AGPAT4: variants seen among roughly 807,000 people sequenced by gnomAD.
The protein encoded by AGPAT4 is 1-acylglycerol-3-phosphate O-acyltransferase 4.
AGPAT4 carries 15 observed loss-of-function variants against 48.0 expected under a neutral mutation model. The ratio of observed to expected loss-of-function variants is 0.31; its 90% CI spans 0.21 to 0.48. The LOEUF is 0.48. Ranked by LOEUF, AGPAT4 falls within the 20% of genes least tolerant of loss-of-function variation. The probability of loss-of-function intolerance (pLI) is 0.99; values close to 1 mark genes in which losing one functional copy is unlikely to be tolerated. For missense variants in AGPAT4, 314 were observed against 482.5 expected (o/e 0.65, Z 3.27); for synonymous variants, 178 against 198.7 (o/e 0.90, Z 0.88).
Position 161,220,930 on chromosome 6 carries a change from C to T in AGPAT4, c.178+11106G>A, listed in dbSNP as rs939605120. On this transcript the variant is annotated intron_variant, in intron 2 of 8. Transcript: ENST00000320285. The surrounding 1 kb of genome is among the most constrained non-coding windows in gnomAD (Gnocchi z 6.0). ...TCCCGAGTAGCTGGGATTACAGGCG[C>T]GTGCCACCACACCTGGCTAATTTTT... is the stretch of plus-strand genomic sequence containing the variant. Among the ~76,000 whole-genome samples the T allele has an allele frequency of 2.0e-5, 3 of 152,030 alleles. No homozygotes were observed. Among genetic ancestry groups the T allele is most frequent in the Admixed American group, 6.6e-5 (1 of 15,266 alleles).
Position 161,218,088 on chromosome 6 carries a change from T to C in AGPAT4, c.178+13948A>G, listed in dbSNP as rs959201878. On this transcript the variant is annotated intron_variant, in intron 2 of 8. Transcript: ENST00000320285. The surrounding 1 kb of genome is among the most constrained non-coding windows in gnomAD (Gnocchi z 4.7). Reference sequence around the variant, plus strand: ...GTCTGTGTCTGATGAGTTGGTGCCTTGTTCTTCTGGCAAGAGAACCACATG... The same window carrying C: ...GTCTGTGTCTGATGAGTTGGTGCCTCGTTCTTCTGGCAAGAGAACCACATG... 6.6e-6 allele frequency among the ~76,000 whole-genome samples: 1 copy of C among 152,248 alleles called. No individual in the cohort carries two copies. The highest frequency in any genetic ancestry group is 1.5e-5 in the Non-Finnish European group (1 of 68,046).
chr6:161,223,671 C>G lies in AGPAT4; in HGVS notation c.178+8365G>C, dbSNP rs954108528. Among the ~76,000 whole-genome samples, 3 of 152,192 alleles carry G rather than the reference C, an allele frequency of 2.0e-5. No homozygotes were observed. Among genetic ancestry groups the G allele is most frequent in the Admixed American group, 1.3e-4 (2 of 15,276 alleles). On this transcript the variant is annotated intron_variant, in intron 2 of 8. Transcript: ENST00000320285. The surrounding 1 kb of genome is among the most constrained non-coding windows in gnomAD (Gnocchi z 6.3). The stretch of plus-strand genomic sequence containing the variant: ...TCCATAGCCCCGTGGAGTGGCACCT[C>G]AGAGGCCACAGGTTTGAGAACACAT...
chr6:161,271,129 A>ACTTATG (rs1212693389), intron 1 of AGPAT4, among the ~76,000 whole-genome samples: 3 of 152,056 alleles, frequency 2.0e-5, no homozygotes, highest in African/African-American at 7.2e-5. Context: ...ATTTACATCT[A>ACTTATG]CTTATGCTTT....
chr6:161,160,369 CAA>C (rs1285654512), intron 3 of AGPAT4: 3 of 153,300 alleles, frequency 2.0e-5, no homozygotes, highest in African/African-American at 7.2e-5. Flanking sequence ...AGAAAAATCT[CAA>C]GAGAGTCTCA....
rs141326982 is a variant in AGPAT4 at position 161,180,467 on chromosome 6, G to A, written c.179-14050C>T. ...GCTGCAGATATGGGCACCATGTTAC[G>A]TGGGGAAATGGCCTTATGATCATTA... On this transcript the variant is annotated intron_variant, in intron 2 of 8. Transcript: ENST00000320285. The surrounding 1 kb of genome is among the most constrained non-coding windows in gnomAD (Gnocchi z 6.4). 7.3e-3 allele frequency among the ~76,000 whole-genome samples: 1,115 copies of A among 152,326 alleles called. 10 individuals carry two copies. Among genetic ancestry groups the A allele is most frequent in the Admixed American group, 0.024 (372 of 15,306 alleles).
chr6:161,211,054 T>C (rs988180912), intron 2 of AGPAT4, among the ~76,000 whole-genome samples: 14 of 152,168 alleles, frequency 9.2e-5, no homozygotes, highest in African/African-American at 2.7e-4. Flanking sequence ...AGCTTGGAGG[T>C]AAAAAGCAAG....
rs896451256 is a variant in AGPAT4 at position 161,222,015 on chromosome 6, T to C, written c.178+10021A>G. Among the ~76,000 whole-genome samples the C allele has an allele frequency of 2.6e-4, 39 of 152,210 alleles. No individual in the cohort carries two copies. Among genetic ancestry groups the C allele is most frequent in the Non-Finnish European group, 1.3e-4 (9 of 68,038 alleles). ...AGGTGTGACACCAAGCGTCCAGCTC[T>C]TTCCTCTCAGTTCCTTTCCACGAAT... On this transcript the variant is annotated intron_variant, in intron 2 of 8. Coordinates refer to ENST00000320285, the MANE Select transcript of AGPAT4 (RefSeq NM_020133.3). This position sits in a 1 kb window ranked among gnomAD's most constrained non-coding sequence, Gnocchi z 5.9.
chr6:161,217,552 T>C lies in AGPAT4; in HGVS notation c.178+14484A>G, dbSNP rs1781684082. ...AGTATGAAGGCATTGGCGTTATGCC[T>C]GCATTTTCTCTCACTAATCATGTTC... On this transcript the variant is annotated intron_variant, in intron 2 of 8. Transcript: ENST00000320285. The surrounding 1 kb of genome is among the most constrained non-coding windows in gnomAD (Gnocchi z 4.9). Among the ~76,000 whole-genome samples the C allele has an allele frequency of 6.6e-6, 1 of 152,234 alleles. No individual in the cohort carries two copies. The highest frequency in any genetic ancestry group is 2.1e-4 in the South Asian group (1 of 4,838).
In AGPAT4 at chr6:161,139,201, G is replaced by A. The variant is rs1562308496; in HGVS notation, c.1042+221C>T. Among the ~76,000 whole-genome samples the A allele has an allele frequency of 6.6e-6, 1 of 152,204 alleles. No homozygotes were observed. The highest frequency in any genetic ancestry group is 2.4e-5 in the African/African-American group (1 of 41,450). On this transcript the variant is annotated intron_variant, in intron 8 of 8. Transcript: ENST00000320285. This position sits in a 1 kb window ranked among gnomAD's most constrained non-coding sequence, Gnocchi z 9.1. ...AGGGAACGTGTGGAATCCAGCCCCA[G>A]GTGGGAGGCTGGACCGTCCAGGCTG...
intron 1 of AGPAT4, among the ~76,000 whole-genome samples, chr6:161,253,299 GGCTGGA>G (rs1414823939): frequency 2.0e-5 from 3 of 147,880 alleles, no homozygotes; most frequent in Non-Finnish European, 3.0e-5. Flanking sequence ...CTGTTGCCCA[GGCTGGA>G]GTGCAGTGGC....
chr6:161,228,376 G>A (rs377327398), intron 2 of AGPAT4, among the ~76,000 whole-genome samples: 3 of 152,108 alleles, frequency 2.0e-5, no homozygotes, highest in Admixed American at 6.5e-5. Context: ...TCCAACAGCC[G>A]TTTAAAACCA....
In AGPAT4 at chr6:161,270,786, A is replaced by G. The variant is rs1392567946; in HGVS notation, c.-90+3152T>C. On this transcript the variant is annotated intron_variant, in intron 1 of 8. Transcript: ENST00000320285. This position sits in a 1 kb window ranked among gnomAD's most constrained non-coding sequence, Gnocchi z 5.3. The stretch of plus-strand genomic sequence containing the variant: ...GACAGAGCAAGACTTCATCTCAAAA[A>G]AAAAATAAATGTGAATGCGGCTTTG... Among the ~76,000 whole-genome samples the G allele has an allele frequency of 6.6e-6, 1 of 152,102 alleles. No homozygotes were observed. Among genetic ancestry groups the G allele is most frequent in the African/African-American group, 2.4e-5 (1 of 41,426 alleles).
intron 5 of AGPAT4, among the ~76,000 whole-genome samples, chr6:161,151,404 C>T (rs764800683): frequency 6.6e-6 from 1 of 152,224 alleles, no homozygotes. Flanking sequence ...CAGCATAGAG[C>T]TGGACGGCCT....
chr6:161,145,620 C>T (rs1779396491), intron 7 of AGPAT4, among the ~76,000 whole-genome samples: 1 of 151,570 alleles, frequency 6.6e-6, no homozygotes, highest in African/African-American at 2.4e-5. Context: ...GACTAAAATC[C>T]TAACACATTC....
chr6:161,260,900 AAAAT>A (rs1783082425), intron 1 of AGPAT4, among the ~76,000 whole-genome samples: 1 of 152,134 alleles, frequency 6.6e-6, no homozygotes, highest in African/African-American at 2.4e-5. Context: ...AAAAAAAGAA[AAAAT>A]AAATAAACGT....
At position 161,202,606 on chromosome 6, in the gene AGPAT4, T is replaced by C. The variant is rs1193689552; in HGVS notation, c.178+29430A>G. Among the ~76,000 whole-genome samples the C allele has an allele frequency of 6.6e-6, 1 of 152,170 alleles. No individual in the cohort carries two copies. Among genetic ancestry groups the C allele is most frequent in the Non-Finnish European group, 1.5e-5 (1 of 68,022 alleles). ...TTACCATCTATAACAGACTGTATTT[T>C]CCAAAGATGGCTACAATAATATTGT... On this transcript the variant is annotated intron_variant, in intron 2 of 8. Transcript: ENST00000320285. The surrounding 1 kb of genome is among the most constrained non-coding windows in gnomAD (Gnocchi z 5.4).
rs1283038237 is a variant in AGPAT4, at chr6:161,200,090, G to A, written c.178+31946C>T. Among the ~76,000 whole-genome samples the A allele has an allele frequency of 1.3e-5, 2 of 152,198 alleles. No homozygotes were observed. Among genetic ancestry groups the A allele is most frequent in the African/African-American group, 4.8e-5 (2 of 41,446 alleles). ...GGAGGGCTTCTAAGGGCCTAACTCT[G>A]CATTGCGACGAATGTGCACAGAAAG... is the stretch of plus-strand genomic sequence containing the variant. On this transcript the variant is annotated intron_variant, in intron 2 of 8. Coordinates refer to ENST00000320285, the MANE Select transcript of AGPAT4 (RefSeq NM_020133.3). The surrounding 1 kb of genome is among the most constrained non-coding windows in gnomAD (Gnocchi z 5.5).
rs1779203674 is a variant in AGPAT4, at chr6:161,140,116, G to C, written c.844-496C>G. Among the ~76,000 whole-genome samples, 1 of 152,180 alleles carries C rather than the reference G, an allele frequency of 6.6e-6. No homozygotes were observed. Among genetic ancestry groups the C allele is most frequent in the Non-Finnish European group, 1.5e-5 (1 of 68,024 alleles). ...GCCCGGCACATGCCCCGCCTTCCCGGCCTCCACAGCCAGTTCACCTCGGGC... is the reference window on the plus strand; with the variant it reads ...GCCCGGCACATGCCCCGCCTTCCCGCCCTCCACAGCCAGTTCACCTCGGGC... On this transcript the variant is annotated intron_variant, in intron 7 of 8. Coordinates refer to ENST00000320285, the MANE Select transcript of AGPAT4 (RefSeq NM_020133.3). This position sits in a 1 kb window ranked among gnomAD's most constrained non-coding sequence, Gnocchi z 6.5.
chr6:161,245,792 A>G lies in AGPAT4; in HGVS notation c.-89-13490T>C, dbSNP rs1392412311. On this transcript the variant is annotated intron_variant, in intron 1 of 8. Transcript: ENST00000320285. This position sits in a 1 kb window ranked among gnomAD's most constrained non-coding sequence, Gnocchi z 5.2. ...GTGCGAGGAAGGCGGGAGAATCAAT[A>G]TGGCTGGATTTTAAATCTCTCATTT... Among the ~76,000 whole-genome samples the G allele has an allele frequency of 2.6e-5, 4 of 152,166 alleles. No individual in the cohort carries two copies. Among genetic ancestry groups the G allele is most frequent in the Non-Finnish European group, 4.4e-5 (3 of 68,032 alleles).
Sources: gnomAD v4.1 joint callset for allele counts (sites outside exome capture counted in the v4.1 genomes callset) on GRCh38, gnomAD v4.1.1 for gene constraint, Gnocchi (gnomAD v3.1) non-coding constraint, MANE v1.5 for transcripts, NCBI Gene and HGNC (gene_info 2026-07-23, HGNC 2026-07-21) for gene names.